Variants in TSC22D3 observed in about 807,000 individuals in gnomAD.
The protein encoded by TSC22D3 is TSC22 domain family protein 3.
In TSC22D3, 4 loss-of-function variants were observed where a neutral mutation model predicts 11.1. The ratio of observed to expected loss-of-function variants is 0.36; its 90% CI spans 0.18 to 0.83. The LOEUF (loss-of-function observed/expected upper bound fraction) is 0.83. Ranked by LOEUF, TSC22D3 falls within the 40% of genes least tolerant of loss-of-function variation. The pLI is 0.48. For synonymous variants in TSC22D3, 77 were observed against 70.3 expected, an observed-to-expected ratio of 1.10 and a Z score of -0.48; for missense variants, 118 against 159.4, an observed-to-expected ratio of 0.74 and a Z score of 1.40.
chrX:107,747,718 A>C (rs1191796537), intron 1 of TSC22D3, among the ~76,000 whole-genome samples: 1 of 112,829 alleles, frequency 8.9e-6, no homozygotes, highest in Non-Finnish European at 1.9e-5. Flanking sequence ...TGAATTTCTA[A>C]ATACAGGCTG....
At chrX:107,752,443 C>G (rs965959210) in intron 1 of TSC22D3, among the ~76,000 whole-genome samples, 1 of 112,027 alleles carries the variant, frequency 8.9e-6, no homozygotes, top group African/African-American at 3.2e-5. Context: ...CATGACCCAT[C>G]CCTTGCTTCC....
intron 1 of TSC22D3, among the ~76,000 whole-genome samples, chrX:107,729,081 G>C (rs1247800909): frequency 8.9e-6 from 1 of 112,527 alleles, no homozygotes; most frequent in Non-Finnish European, 1.9e-5. Context: ...TTCTCCTTCT[G>C]TTCTTGGTAA....
rs1272575480 is a variant in TSC22D3 at position 107,775,360 on chromosome X, G to A, written c.60C>T (p.Cys20=). ...GCCCACTCCGATGGGCCAGGTCCAG[G>A]CAGCAGTTGCAGCAGTCGAGGCCGA... is the stretch of plus-strand genomic sequence containing the variant. The part of the protein sequence containing the change: ...SPVGLDCCNC[C]LDLAHRSGLQ... Residue 20 remains cysteine, a synonymous_variant, in exon 1 of 3, where the codon TGC becomes TGT. Transcript: ENST00000372383. 1 of 1,205,345 alleles carries A rather than the reference G, an allele frequency of 8.3e-7. No homozygotes were observed. The highest frequency in any genetic ancestry group is 1.1e-6 in the Non-Finnish European group (1 of 892,194).
intron 1 of TSC22D3, among the ~76,000 whole-genome samples, chrX:107,766,934 C>T (rs1929689569): frequency 9.0e-6 from 1 of 111,152 alleles, no homozygotes; most frequent in Admixed American, 9.6e-5. Context: ...GGCCCTCAGG[C>T]TGGCCTAGGC....
At chrX:107,761,724 T>C (rs1444876988) in intron 1 of TSC22D3, among the ~76,000 whole-genome samples, 1 of 111,920 alleles carries the variant, frequency 8.9e-6, no homozygotes. Context: ...AAATCAAGCC[T>C]GCCTGATCTT....
intron 1 of TSC22D3, among the ~76,000 whole-genome samples, chrX:107,748,424 A>T (rs1953476797): frequency 9.0e-6 from 1 of 111,626 alleles, no homozygotes; most frequent in African/African-American, 3.3e-5. Flanking sequence ...GTCAGCTCAG[A>T]AGCCCCAGAA....
chrX:107,760,922 G>A (rs752429210), intron 1 of TSC22D3, among the ~76,000 whole-genome samples: 6 of 112,149 alleles, frequency 5.4e-5, no homozygotes, highest in African/African-American at 1.9e-4. Context: ...ATCTGGCTCT[G>A]AGCAGAAAAG....
At chrX:107,771,856 G>C (rs1156233882) in intron 1 of TSC22D3, among the ~76,000 whole-genome samples, 3 of 112,301 alleles carry the variant, frequency 2.7e-5, no homozygotes, top group Non-Finnish European at 3.8e-5. Context: ...GCACTATCAG[G>C]ACTTCCATCA....
At chrX:107,716,947 G>T (rs2061508164) in intron 1 of TSC22D3, 8 of 1,083,341 alleles carry the variant, frequency 7.4e-6, no homozygotes, top group Non-Finnish European at 2.4e-6. Flanking sequence ...CGGGGCGAAG[G>T]CTGCAGAACG....
chrX:107,757,435 A>G lies in TSC22D3; in HGVS notation c.320+17665T>C, dbSNP rs190692867. Reference sequence around the variant, plus strand: ...GGTCTCCCCTGAACATCCATCACCCACTTGGAGATGCCTTCTAGTTAGGAG... The same window carrying G: ...GGTCTCCCCTGAACATCCATCACCCGCTTGGAGATGCCTTCTAGTTAGGAG... On this transcript the variant is annotated intron_variant, in intron 1 of 2. Coordinates refer to ENST00000372383, the MANE Select transcript of TSC22D3 (RefSeq NM_198057.3). 2.7e-5 allele frequency among the ~76,000 whole-genome samples: 3 copies of G among 112,162 alleles called. No homozygotes were observed. In the East Asian group the frequency reaches 8.4e-4, roughly 31 times the overall value.
At chrX:107,756,733 A>G (rs1929198054) in intron 1 of TSC22D3, among the ~76,000 whole-genome samples, 1 of 112,777 alleles carries the variant, frequency 8.9e-6, no homozygotes, top group Non-Finnish European at 1.9e-5. Flanking sequence ...TTCCTGGTCA[A>G]GTGTTCCTTC....
At chrX:107,738,805 C>T (rs1311903453) in intron 1 of TSC22D3, among the ~76,000 whole-genome samples, 1 of 112,909 alleles carries the variant, frequency 8.9e-6, no homozygotes, top group Non-Finnish European at 1.9e-5. Flanking sequence ...GAGCTAGGGC[C>T]CGGTCACTGT....
chrX:107,740,635 T>C (rs868450096), intron 1 of TSC22D3, among the ~76,000 whole-genome samples: 50 of 109,445 alleles, frequency 4.6e-4, no homozygotes, highest in African/African-American at 1.6e-3. Flanking sequence ...TGAAGAACCA[T>C]GACGGTGAAA....
At chrX:107,747,000 T>C (rs1928698623) in intron 1 of TSC22D3, among the ~76,000 whole-genome samples, 1 of 113,052 alleles carries the variant, frequency 8.8e-6, no homozygotes, top group Non-Finnish European at 1.9e-5. Flanking sequence ...CTTTAGTGAC[T>C]GCCAAAAGCT....
intron 1 of TSC22D3, among the ~76,000 whole-genome samples, chrX:107,723,672 C>T (rs944635697): frequency 1.8e-5 from 2 of 112,959 alleles, no homozygotes; most frequent in Admixed American, 1.9e-4. Flanking sequence ...TCCAGGCCAG[C>T]GGGACACTGG....
intron 1 of TSC22D3, among the ~76,000 whole-genome samples, chrX:107,735,867 TG>T: frequency 8.9e-6 from 1 of 111,845 alleles, no homozygotes; most frequent in South Asian, 3.8e-4. Flanking sequence ...GGCTTCTTTT[TG>T]TTGTGTTTTG....
chrX:107,714,395 T>C lies in TSC22D3; in HGVS notation c.*124A>G. ...GTGGCCATGTCCTTAGGACATCTCT[T>C]GGCACCAGCTGTGCTAGGTGTAAAG... On this transcript the variant is annotated 3_prime_UTR_variant, in exon 3 of 3. Transcript: ENST00000372383. 1 of 617,788 alleles carries C rather than the reference T, an allele frequency of 1.6e-6. No individual in the cohort carries two copies. Among genetic ancestry groups the C allele is most frequent in the Non-Finnish European group, 2.4e-6 (1 of 410,329 alleles). The allele number at this position is 617,788 out of a possible 1,213,427, so 50.9% of individuals were successfully genotyped here.
intron 1 of TSC22D3, among the ~76,000 whole-genome samples, chrX:107,733,431 T>C (rs868643185): frequency 3.6e-5 from 4 of 111,983 alleles, no homozygotes; most frequent in Non-Finnish European, 7.5e-5. Flanking sequence ...AAAATGCCAG[T>C]GTACTTTAGG....
intron 1 of TSC22D3, among the ~76,000 whole-genome samples, chrX:107,730,794 G>A (rs993503040): frequency 8.9e-6 from 1 of 112,383 alleles, no homozygotes; most frequent in Admixed American, 9.4e-5. Context: ...GTAGGAGTCT[G>A]TCTTCAGAAC....
Sources: gnomAD v4.1 joint callset for allele counts (sites outside exome capture counted in the v4.1 genomes callset) on GRCh38, gnomAD v4.1.1 for gene constraint, MANE v1.5 for transcripts, NCBI Gene and HGNC (gene_info 2026-07-23, HGNC 2026-07-21) for gene names.